CMA1: variants seen among roughly 807,000 people sequenced by gnomAD.
The protein encoded by CMA1 is chymase.
CMA1 carries 24 observed loss-of-function variants against 18.8 expected under a neutral mutation model. That is an observed-to-expected ratio of 1.28 (90% CI 0.92 to 1.80). The LOEUF (loss-of-function observed/expected upper bound fraction) is 1.80. CMA1 is among the 40% of genes most tolerant of loss of function. The pLI is 0.00. For synonymous variants in CMA1, 152 were observed against 117.0 expected, an observed-to-expected ratio of 1.30 and a Z score of -1.93; for missense variants, 421 against 302.8, an observed-to-expected ratio of 1.39 and a Z score of -2.90.
At position 24,506,596 on chromosome 14, in the gene CMA1, G is replaced by T. The variant is rs2043859421; in HGVS notation, c.218C>A (p.Thr73Lys). The T allele has an allele frequency of 6.2e-7, 1 of 1,613,192 alleles. No homozygotes were observed. The highest frequency in any genetic ancestry group is 1.7e-5 in the Admixed American group (1 of 59,988). Residue 73 changes from threonine to lysine, a missense_variant, in exon 3 of 5, where the codon ACA becomes AAA. Transcript: ENST00000250378. The stretch of plus-strand genomic sequence containing the variant: ...TATGTTATGGGCTCCAAGGGTGACT[G>T]TTATAGACCTGTTGTGAGGAAGAAG... ...TAAHCAGRSI[T>K]VTLGAHNITE...
rs2043851803 is a variant in CMA1, at chr14:24,506,099, G to A, written c.529C>T (p.His177Tyr). Residue 177 changes from histidine to tyrosine, a missense_variant, in exon 4 of 5, where the codon CAC (histidine) becomes TAC (tyrosine). Transcript: ENST00000250378. ...LRLMDPQACS[H>Y]FRDFDHNLQL... is the part of the protein sequence containing the mutation. The stretch of plus-strand genomic sequence containing the variant: ...AGATTGTGGTCAAAGTCTCTGAAGT[G>A]GCTGCAGGCCTGGGGATCCATGAGT... 1 of 1,614,084 alleles carries A rather than the reference G, an allele frequency of 6.2e-7. No homozygotes were observed. Among genetic ancestry groups the A allele is most frequent in the Admixed American group, 1.7e-5 (1 of 60,012 alleles).
rs542619483 is a variant in CMA1 at position 24,507,398 on chromosome 14, AT to A, written c.166del (p.Ile56Ter). ...AGCCGTCAGCACAAAGTTCCGTCTTATAAGGAAACCACCACAAAATTTTGAG... is the reference window on the plus strand; with the variant it reads ...AGCCGTCAGCACAAAGTTCCGTCTTAAAGGAAACCACCACAAAATTTTGAG... The part of the protein sequence containing the change: ...GPSKFCGGFL[I>X]RRNFVLTAAH... On this transcript the variant is annotated frameshift_variant, in exon 2 of 5. Transcript: ENST00000250378. LOFTEE classifies it high-confidence loss of function. The A allele has an allele frequency of 1.9e-4, 305 of 1,614,210 alleles. No individual in the cohort carries two copies. In the African/African-American group the frequency reaches 3.7e-3, roughly 20 times the overall value.
At position 24,505,498 on chromosome 14, in the gene CMA1, C is replaced by A. The variant is rs73596976; in HGVS notation, c.*18G>T. 6.4e-3 allele frequency: 10,309 copies of A among 1,613,942 alleles called. 144 individuals are homozygous for A. The highest frequency in any genetic ancestry group is 0.056 in the African/African-American group (4,186 of 75,002). On this transcript the variant is annotated 3_prime_UTR_variant, in exon 5 of 5. Transcript: ENST00000250378. ...GTCCAGTTCCAGCTTCCCTTTCAGGCTGGCTCAGGATCCAGGATTAATTTG... is the reference window on the plus strand; with the variant it reads ...GTCCAGTTCCAGCTTCCCTTTCAGGATGGCTCAGGATCCAGGATTAATTTG...
intron 4 of CMA1, 147 bp from the exon 5 acceptor site, chr14:24,505,806 T>G: frequency 1.7e-6 from 2 of 1,170,160 alleles, no homozygotes; most frequent in Non-Finnish European, 2.4e-6. Context: ...TGCCCCTTCT[T>G]CCTTTCTTGG....
chr14:24,506,550 C>T lies in CMA1; in HGVS notation c.264G>A (p.Trp88Ter). The T allele has an allele frequency of 6.2e-7, 1 of 1,614,092 alleles. No homozygotes were observed. Residue 88 changes from tryptophan to a stop codon, truncating the protein, a stop_gained, in exon 3 of 5, where the codon TGG becomes TGA. Transcript: ENST00000250378. LOFTEE classifies it high-confidence loss of function. ...AHNITEEEDT[W>*]QKLEVIKQFR... ...ATTGCTTTATAACCTCAAGCTTCTG[C>T]CATGTGTCTTCTTCCTCTGTTATGT...
At position 24,505,468 on chromosome 14, in the gene CMA1, C is replaced by T. The variant is rs754810177; in HGVS notation, c.*48G>A. On this transcript the variant is annotated 3_prime_UTR_variant, in exon 5 of 5. Coordinates refer to ENST00000250378, the MANE Select transcript of CMA1 (RefSeq NM_001836.5). ...AGAATGAGTGGCACACACTTTGCTG[C>T]TCAGGTCCAGTTCCAGCTTCCCTTT... 3 of 1,613,114 alleles carry T rather than the reference C, an allele frequency of 1.9e-6. No individual in the cohort carries two copies. Among genetic ancestry groups the T allele is most frequent in the East Asian group, 4.5e-5 (2 of 44,858 alleles).
intron 1 of CMA1, 118 bp from the exon 2 acceptor site, chr14:24,507,624 G>A (rs769991795): frequency 1.0e-4 from 121 of 1,205,122 alleles, no homozygotes; most frequent in South Asian, 3.1e-4. Context: ...CCTGTGTTCC[G>A]CCCATCTTCC....
chr14:24,506,043 T>C lies in CMA1; in HGVS notation c.585A>G (p.Thr195=). The C allele has an allele frequency of 6.2e-7, 1 of 1,614,198 alleles. No homozygotes were observed. Among genetic ancestry groups the C allele is most frequent in the Non-Finnish European group, 8.5e-7 (1 of 1,180,020 alleles). The change falls in exon 4 of 5, where the codon ACA becomes ACG. Residue 195 remains threonine, a synonymous_variant. Coordinates refer to ENST00000250378, the MANE Select transcript of CMA1 (RefSeq NM_001836.5). ...GGAGGATCACCTTAAATGCAGATTTTGTCTTCCTGGGATTGCCCACACACA... is the reference window on the plus strand; with the variant it reads ...GGAGGATCACCTTAAATGCAGATTTCGTCTTCCTGGGATTGCCCACACACA... ...LQLCVGNPRK[T]KSAFKGDSGG... is the part of the protein sequence containing the mutation.
chr14:24,505,935 A>T, intron 4 of CMA1, 93 bp downstream of exon 4: 1 of 1,507,208 alleles, frequency 6.6e-7, no homozygotes, highest in Non-Finnish European at 9.0e-7. Context: ...TCACCCTGTC[A>T]CTGACTGACA....
In CMA1 at chr14:24,506,478, C is replaced by CATGATA. The variant is rs754087659; in HGVS notation, c.330_335dup (p.Ile111_Met112insIleIle). 9 of 1,614,156 alleles carry CATGATA rather than the reference C, an allele frequency of 5.6e-6. No individual in the cohort carries two copies. The East Asian group carries it at 2.0e-4, about 36-fold the overall frequency. On this transcript the variant is annotated inframe_insertion, in exon 3 of 5. Coordinates refer to ENST00000250378, the MANE Select transcript of CMA1 (RefSeq NM_001836.5). ...AGAGAGGTGTTGTCACCTTTAGTAA[C>CATGATA]ATGATATCGTGGTGAAGAGTAGAAG...
In CMA1 at chr14:24,505,938, G is replaced by A. The variant is rs1292976848; in HGVS notation, c.600+90C>T. 3 of 1,511,016 alleles carry A rather than the reference G, an allele frequency of 2.0e-6. No homozygotes were observed. In the African/African-American group the frequency reaches 4.1e-5, roughly 21 times the overall value. 93.6% of individuals were successfully genotyped at this position (1,511,016 alleles called of 1,614,324 possible). ...TTCCTGTGATGCTCACCCTGTCACTGACTGACAACCTTCTGACCCCATCTC... is the reference window on the plus strand; with the variant it reads ...TTCCTGTGATGCTCACCCTGTCACTAACTGACAACCTTCTGACCCCATCTC... On this transcript the variant is annotated intron_variant, in intron 4 of 4. Coordinates refer to ENST00000250378, the MANE Select transcript of CMA1 (RefSeq NM_001836.5).
At chr14:24,507,008 A>G (rs2043863243) in intron 2 of CMA1, among the ~76,000 whole-genome samples, 1 of 152,158 alleles carries the variant, frequency 6.6e-6, no homozygotes, top group African/African-American at 2.4e-5. Context: ...CCTGAGAACT[A>G]GAGGCCAGTG....
Position 24,505,367 on chromosome 14 carries a change from G to C in CMA1, c.*149C>G. 1.1e-6 allele frequency: 1 copy of C among 946,596 alleles called. No individual in the cohort carries two copies. Among genetic ancestry groups the C allele is most frequent in the Non-Finnish European group, 1.6e-6 (1 of 610,160 alleles). 58.6% of individuals were successfully genotyped at this position (946,596 alleles called of 1,614,324 possible). A position where few individuals can be genotyped will look rare whatever the true frequency, so the allele number is the denominator to read the frequency against. On this transcript the variant is annotated 3_prime_UTR_variant, in exon 5 of 5. Coordinates refer to ENST00000250378, the MANE Select transcript of CMA1 (RefSeq NM_001836.5). The stretch of plus-strand genomic sequence containing the variant: ...CGACTAGAAGCTGTGTCTTCACTGA[G>C]GTTTATTGAGAGTTCTGTGACCTGT...
chr14:24,507,064 C>A (rs2043863693), intron 2 of CMA1, among the ~76,000 whole-genome samples: 1 of 152,100 alleles, frequency 6.6e-6, no homozygotes, highest in South Asian at 2.1e-4. Context: ...CTGGGTGGGG[C>A]CCTGAAAAGT....
At chr14:24,506,625 G>T (rs1350457801) in intron 2 of CMA1, 21 bp from the exon 3 acceptor site, 1 of 1,612,246 alleles carries the variant, frequency 6.2e-7, no homozygotes, top group South Asian at 1.1e-5. Context: ...GAAGAAGGAA[G>T]GAAAAGGAGC....
At position 24,507,454 on chromosome 14, in the gene CMA1, G is replaced by A; in HGVS notation, c.111C>T (p.Ala37=). Residue 37 remains alanine, a synonymous_variant, in exon 2 of 5, where the codon GCC becomes GCT. Transcript: ENST00000250378. ...ECKPHSRPYM[A]YLEIVTSNGP... ...CGTTGGAAGTTACAATTTCCAGGTAGGCCATGTAGGGGCGGGAATGTGGCT... is the reference window on the plus strand; with the variant it reads ...CGTTGGAAGTTACAATTTCCAGGTAAGCCATGTAGGGGCGGGAATGTGGCT... 6.2e-7 allele frequency: 1 copy of A among 1,614,202 alleles called. No homozygotes were observed. The highest frequency in any genetic ancestry group is 8.5e-7 in the Non-Finnish European group (1 of 1,180,026).
At position 24,505,492 on chromosome 14, in the gene CMA1, T is replaced by G. The variant is rs1175656780; in HGVS notation, c.*24A>C. On this transcript the variant is annotated 3_prime_UTR_variant, in exon 5 of 5. Coordinates refer to ENST00000250378, the MANE Select transcript of CMA1 (RefSeq NM_001836.5). The stretch of plus-strand genomic sequence containing the variant: ...GCTCAGGTCCAGTTCCAGCTTCCCT[T>G]TCAGGCTGGCTCAGGATCCAGGATT... The G allele has an allele frequency of 6.2e-7, 1 of 1,613,796 alleles. No homozygotes were observed. The highest frequency in any genetic ancestry group is 8.5e-7 in the Non-Finnish European group (1 of 1,179,984).
At chr14:24,506,688 G>GACT (rs1365039552) in intron 2 of CMA1, 84 bp from the exon 3 acceptor site, 8 of 1,525,058 alleles carry the variant, frequency 5.2e-6, no homozygotes, top group Non-Finnish European at 7.1e-6. Flanking sequence ...GAGAAAAGAG[G>GACT]ACTAAACTCT....
In CMA1 at chr14:24,506,231, A is replaced by G. The variant is rs747108096; in HGVS notation, c.397T>C (p.Ser133Pro). 2 of 1,614,118 alleles carry G rather than the reference A, an allele frequency of 1.2e-6. No homozygotes were observed. Among genetic ancestry groups the G allele is most frequent in the Admixed American group, 1.7e-5 (1 of 60,020 alleles). ...TLAVGTLPFP[S>P]QFNFVPPGRM... ...CCAGGTGGGACAAAGTTGAATTGGG[A>G]TGGGAAGGGGAGTGTCCCCACAGCC... The change falls in exon 4 of 5, where the codon TCC becomes CCC. Residue 133 changes from serine to proline, a missense_variant. Coordinates refer to ENST00000250378, the MANE Select transcript of CMA1 (RefSeq NM_001836.5).
Sources: allele counts gnomAD v4.1 joint callset (sites outside exome capture counted in the v4.1 genomes callset), GRCh38; gene constraint gnomAD v4.1.1; transcripts MANE v1.5; gene names NCBI Gene and HGNC (gene_info 2026-07-23, HGNC 2026-07-21).